The following HEATR4 variants were observed in gnomAD, a reference collection of about 807,000 sequenced individuals.
HEATR4 encodes HEAT repeat-containing protein 4.
In HEATR4, 95 loss-of-function variants were observed where a neutral mutation model predicts 108.8. That is an observed-to-expected ratio of 0.87 (90% CI 0.74 to 1.04). The LOEUF is 1.04. HEATR4 is among the 50% of genes least tolerant of loss of function. The pLI is 0.00. For missense variants in HEATR4, 1,152 were observed against 1,253.8 expected (o/e 0.92, Z 1.23); for synonymous variants, 443 against 459.4 (o/e 0.96, Z 0.46).
intron 9 of HEATR4, among the ~76,000 whole-genome samples, chr14:73,507,389 T>C (rs1161781753): frequency 1.3e-5 from 2 of 152,190 alleles, no homozygotes; most frequent in African/African-American, 4.8e-5. Flanking sequence ...TTACTTATGC[T>C]TGAGATTGTC....
the HEATR4 span, among the ~76,000 whole-genome samples, chr14:73,605,768 A>G: frequency 6.6e-5 from 10 of 151,686 alleles, no homozygotes; most frequent in African/African-American, 2.4e-4. Flanking sequence ...ACAGGGTTTC[A>G]CCACATTGGC....
At chr14:73,509,265 A>T (rs1887050253) in intron 8 of HEATR4, 47 bp downstream of exon 8, 2 of 1,555,994 alleles carry the variant, frequency 1.3e-6, no homozygotes, top group African/African-American at 1.4e-5. Flanking sequence ...TGATAGTGAG[A>T]TGTCTATCCC....
the HEATR4 span, chr14:73,612,922 G>T: frequency 7.4e-7 from 1 of 1,352,970 alleles, no homozygotes; most frequent in South Asian, 1.4e-5. Context: ...CCGAGCCCGG[G>T]CGGCTGCTGT....
intron 5 of HEATR4, 49 bp downstream of exon 5, chr14:73,518,974 C>T: frequency 6.4e-7 from 1 of 1,557,680 alleles, no homozygotes; most frequent in Non-Finnish European, 8.7e-7. Flanking sequence ...TGGGAAGTAG[C>T]CACATTCCCG....
At chr14:73,516,868 C>T (rs988214756) in intron 5 of HEATR4, among the ~76,000 whole-genome samples, 1 of 152,190 alleles carries the variant, frequency 6.6e-6, no homozygotes, top group Non-Finnish European at 1.5e-5. Context: ...GAGGTGGAAC[C>T]ATTTCATCCT....
rs1395941400 is a variant in HEATR4, at chr14:73,541,017, C to T, written c.-151-10773G>A. On this transcript the variant is annotated intron_variant, in intron 1 of 17. Transcript: ENST00000553558. ...TCAGCCTCCCAAAGTGCTGGGATTA[C>T]AGGCGTGAGCCACCAGACCCAGCCT... Among the ~76,000 whole-genome samples, 2 of 115,468 alleles carry T rather than the reference C, an allele frequency of 1.7e-5. 1 individual carries two copies. Among genetic ancestry groups the T allele is most frequent in the Non-Finnish European group, 3.8e-5 (2 of 53,066 alleles). 75.8% of individuals were successfully genotyped at this position (115,468 alleles called of 152,430 possible).
chr14:73,549,561 C>G (rs1365931058), intron 1 of HEATR4, among the ~76,000 whole-genome samples: 2 of 107,858 alleles, frequency 1.9e-5, no homozygotes, highest in African/African-American at 6.0e-5. Flanking sequence ...AGGATCTGAA[C>G]CTGGGGCTTC....
At chr14:73,628,541 G>A in the HEATR4 span, among the ~76,000 whole-genome samples, 14 of 152,202 alleles carry the variant, frequency 9.2e-5, no homozygotes, top group Non-Finnish European at 1.8e-4. Flanking sequence ...ATCATCTGAG[G>A]TCAAGAGTTT....
At chr14:73,592,049 G>C in the HEATR4 span, 1 of 1,470,190 alleles carries the variant, frequency 6.8e-7, no homozygotes, top group African/African-American at 1.5e-5. Flanking sequence ...CCCCGGAGCA[G>C]CGGGTTACGC....
the HEATR4 span, chr14:73,581,018 C>G: frequency 4.6e-5 from 7 of 151,996 alleles, no homozygotes; most frequent in Non-Finnish European, 1.0e-4. Context: ...TAGGCATGAA[C>G]CACTGTGCCA....
rs1887305264 is a variant in HEATR4 at position 73,512,096 on chromosome 14, G to C, written c.1468C>G (p.Leu490Val). 4 of 1,614,028 alleles carry C rather than the reference G, an allele frequency of 2.5e-6. No individual in the cohort carries two copies. Among genetic ancestry groups the C allele is most frequent in the African/African-American group, 2.7e-5 (2 of 74,892 alleles). ...VENLLQSLGD[L>V]HDDVRIKAIT... ...GCTTTGATCCGAACGTCATCATGCA[G>C]GTCTCCCAAGCTCTGAAGCAGGTTC... is the stretch of plus-strand genomic sequence containing the variant. The change falls in exon 7 of 18, where the codon CTG (leucine) becomes GTG (valine). Residue 490 changes from leucine to valine, a missense_variant. Leu to Val is a conservative substitution (Grantham distance 32, BLOSUM62 1). Coordinates refer to ENST00000553558, the MANE Select transcript of HEATR4 (RefSeq NM_001220484.1).
chr14:73,583,421 GC>G, the HEATR4 span, among the ~76,000 whole-genome samples: 1 of 150,562 alleles, frequency 6.6e-6, no homozygotes, highest in Admixed American at 6.6e-5. Flanking sequence ...CAATCAATAA[GC>G]CCAATTTTCT....
At chr14:73,598,095 C>T in the HEATR4 span, among the ~76,000 whole-genome samples, 6 of 147,680 alleles carry the variant, frequency 4.1e-5, no homozygotes, top group Non-Finnish European at 8.9e-5. Context: ...GGAGACCTGC[C>T]GGGTGCAGTG....
chr14:73,624,616 C>CA, the HEATR4 span, among the ~76,000 whole-genome samples: 118 of 152,104 alleles, frequency 7.8e-4, no homozygotes, highest in African/African-American at 1.2e-3. Flanking sequence ...TCTACCCCAA[C>CA]AAAAAAAACC....
the HEATR4 span, among the ~76,000 whole-genome samples, chr14:73,602,628 C>T: frequency 1.6e-4 from 25 of 152,278 alleles, 1 homozygote; most frequent in South Asian, 3.9e-3. Flanking sequence ...GCGTTCTCCC[C>T]GCTTTGTTCA....
chr14:73,574,847 C>T, the HEATR4 span: 1 of 1,611,816 alleles, frequency 6.2e-7, no homozygotes, highest in Non-Finnish European at 8.5e-7. Context: ...GTGGACACAA[C>T]TCACCATATT....
the HEATR4 span, chr14:73,573,459 C>T: frequency 7.4e-6 from 12 of 1,613,572 alleles, 1 homozygote; most frequent in African/African-American, 1.3e-5. Context: ...TCGGGCTAGT[C>T]TGCTGGCTGG....
In HEATR4 at chr14:73,478,558, G is replaced by C. The variant is rs199697320; in HGVS notation, c.*48C>G. 52 of 1,251,684 alleles carry C rather than the reference G, an allele frequency of 4.2e-5. No individual in the cohort carries two copies. Among genetic ancestry groups the C allele is most frequent in the Non-Finnish European group, 6.0e-5 (52 of 859,930 alleles). 77.5% of individuals were successfully genotyped at this position (1,251,684 alleles called of 1,614,324 possible). Reference sequence around the variant, plus strand: ...AGTATCAATTAAAAAGACCCAATGTGACCAGGTCCACTGCTTCCTGCATCT... The same window carrying C: ...AGTATCAATTAAAAAGACCCAATGTCACCAGGTCCACTGCTTCCTGCATCT... On this transcript the variant is annotated 3_prime_UTR_variant, in exon 18 of 18. Coordinates refer to ENST00000553558, the MANE Select transcript of HEATR4 (RefSeq NM_001220484.1).
chr14:73,574,311 CTGGAGTG>C, the HEATR4 span: 1 of 145,158 alleles, frequency 6.9e-6, no homozygotes, highest in African/African-American at 2.7e-5. Flanking sequence ...GTCACCCAGG[CTGGAGTG>C]CAATGGCATG....
Sources: gnomAD v4.1 joint callset for allele counts (sites outside exome capture counted in the v4.1 genomes callset) on GRCh38, gnomAD v4.1.1 for gene constraint, MANE v1.5 for transcripts, NCBI Gene and HGNC (gene_info 2026-07-23, HGNC 2026-07-21) for gene names.